Variants in SLC14A2 observed in about 807,000 individuals in gnomAD.
The protein encoded by SLC14A2 is urea transporter 2.
In SLC14A2, 91 loss-of-function variants were observed where a neutral mutation model predicts 104.6. That is an observed-to-expected ratio of 0.87 (90% CI 0.73 to 1.04). The LOEUF (loss-of-function observed/expected upper bound fraction) is 1.04, where lower values mean the gene tolerates loss of function less well. Ranked by LOEUF, SLC14A2 falls within the 50% of genes least tolerant of loss-of-function variation. The probability of loss-of-function intolerance (pLI) is 0.00; values close to 1 mark genes in which losing one functional copy is unlikely to be tolerated. For missense variants in SLC14A2, 1,189 were observed against 1,156.0 expected (o/e 1.03, Z -0.41); for synonymous variants, 476 against 466.4 (o/e 1.02, Z -0.27).
rs77978840 is a variant in SLC14A2, at chr18:45,328,381, G to A, written c.-125+115190G>A. On this transcript the variant is annotated intron_variant, in intron 1 of 20. Coordinates refer to the SLC14A2 transcript ENST00000586448. ...CACAGGGCCAGAGACAGGAATGATGGACAAAGCCATGGATACTAGCGCAGG... is the reference window on the plus strand; with the variant it reads ...CACAGGGCCAGAGACAGGAATGATGAACAAAGCCATGGATACTAGCGCAGG... Among the ~76,000 whole-genome samples, 1,037 of 152,260 alleles carry A rather than the reference G, an allele frequency of 6.8e-3. 9 individuals are homozygous for A. The highest frequency in any genetic ancestry group is 0.023 in the African/African-American group (974 of 41,542).
At chr18:45,662,300 T>C (rs2045948517) in intron 10 of SLC14A2, among the ~76,000 whole-genome samples, 1 of 152,048 alleles carries the variant, frequency 6.6e-6, no homozygotes, top group African/African-American at 2.4e-5. Context: ...AGACTCCGTC[T>C]TAGAAAAAAA....
At chr18:45,421,676 G>A (rs76079008) in intron 1 of SLC14A2, among the ~76,000 whole-genome samples, 4,522 of 152,268 alleles carry the variant, frequency 0.03, 101 homozygotes, top group Non-Finnish European at 0.045. Flanking sequence ...GAATGCACTG[G>A]CCATGCAGCT....
chr18:45,362,954 G>A (rs1362435573), intron 1 of SLC14A2, among the ~76,000 whole-genome samples: 1 of 152,076 alleles, frequency 6.6e-6, no homozygotes, highest in African/African-American at 2.4e-5. Context: ...CTCACTGGGG[G>A]GTACCAGCTT....
intron 1 of SLC14A2, among the ~76,000 whole-genome samples, chr18:45,408,996 G>C (rs557115393): frequency 6.6e-6 from 1 of 152,252 alleles, no homozygotes; most frequent in East Asian, 1.9e-4. Context: ...AATGCAATCT[G>C]GGATTGGCTC....
chr18:45,363,754 G>A (rs1401431123), intron 1 of SLC14A2, among the ~76,000 whole-genome samples: 2 of 152,118 alleles, frequency 1.3e-5, no homozygotes, highest in Non-Finnish European at 2.9e-5. Flanking sequence ...ATGATGGGGA[G>A]GGGCTGTGCT....
intron 1 of SLC14A2, among the ~76,000 whole-genome samples, chr18:45,297,419 G>A (rs1303749514): frequency 2.0e-5 from 3 of 152,224 alleles, no homozygotes; most frequent in Non-Finnish European, 4.4e-5. Context: ...ATGGCATTTT[G>A]AAGACTGTGT....
intron 1 of SLC14A2, among the ~76,000 whole-genome samples, chr18:45,367,537 T>C (rs1024931913): frequency 6.6e-6 from 1 of 152,246 alleles, no homozygotes; most frequent in Non-Finnish European, 1.5e-5. Context: ...CATGTCAACC[T>C]GTGGACTCAA....
In SLC14A2 at chr18:45,625,639, C is replaced by G. The variant is rs139331613; in HGVS notation, c.151-44C>G. 3.7e-3 allele frequency: 5,446 copies of G among 1,480,874 alleles called. 15 individuals are homozygous for G. The highest frequency in any genetic ancestry group is 4.5e-3 in the Non-Finnish European group (4,973 of 1,107,990). 91.7% of individuals were successfully genotyped at this position (1,480,874 alleles called of 1,614,324 possible). ...CTCTATCCCCAAATGTCCCTGCTCTCAGAAAGCTGTATCATTTGATGTCTG... is the reference window on the plus strand; with the variant it reads ...CTCTATCCCCAAATGTCCCTGCTCTGAGAAAGCTGTATCATTTGATGTCTG... On this transcript the variant is annotated intron_variant, in intron 2 of 19. Coordinates refer to ENST00000255226, the MANE Select transcript of SLC14A2 (RefSeq NM_007163.4).
chr18:45,354,800 A>G (rs575560843), intron 1 of SLC14A2, among the ~76,000 whole-genome samples: 3 of 152,334 alleles, frequency 2.0e-5, no homozygotes, highest in African/African-American at 7.2e-5. Context: ...TGGGTCTACT[A>G]TTCCACAAAG....
intron 1 of SLC14A2, among the ~76,000 whole-genome samples, chr18:45,334,350 G>A (rs1047750776): frequency 2.6e-5 from 4 of 152,162 alleles, no homozygotes; most frequent in Non-Finnish European, 4.4e-5. Flanking sequence ...GAGACATTGG[G>A]GATGTGCATG....
At chr18:45,333,851 C>T (rs1302502381) in intron 1 of SLC14A2, among the ~76,000 whole-genome samples, 1 of 152,178 alleles carries the variant, frequency 6.6e-6, no homozygotes, top group African/African-American at 2.4e-5. Context: ...TAAGCCCACC[C>T]AGTATTGACA....
At chr18:45,236,206 CATAT>C (rs1229101892) in intron 1 of SLC14A2, among the ~76,000 whole-genome samples, 5 of 37,262 alleles carry the variant, frequency 1.3e-4, no homozygotes, top group African/African-American at 2.7e-4. Flanking sequence ...TGTATATATA[CATAT>C]ATGTGTGTAT....
chr18:45,257,560 G>GT (rs2084492334), intron 1 of SLC14A2, among the ~76,000 whole-genome samples: 1 of 152,164 alleles, frequency 6.6e-6, no homozygotes. Flanking sequence ...AAATATGCAA[G>GT]TCATGAGTTT....
chr18:45,639,740 T>A lies in SLC14A2; in HGVS notation c.844-6T>A. The A allele has an allele frequency of 1.2e-6, 2 of 1,613,496 alleles. No individual in the cohort carries two copies. Among genetic ancestry groups the A allele is most frequent in the South Asian group, 2.2e-5 (2 of 91,018 alleles). On this transcript the variant is annotated splice_polypyrimidine_tract_variant and splice_region_variant and intron_variant, in intron 6 of 19. Coordinates refer to ENST00000255226, the MANE Select transcript of SLC14A2 (RefSeq NM_007163.4). ...TCCAGTGACCTGTATTCTGTTAACT[T>A]TGCAGCTGTTACAAGCCATCCCTGT... is the stretch of plus-strand genomic sequence containing the variant.
At chr18:45,617,094 C>G (rs1173543257) in intron 1 of SLC14A2, among the ~76,000 whole-genome samples, 1 of 152,098 alleles carries the variant, frequency 6.6e-6, no homozygotes, top group Non-Finnish European at 1.5e-5. Flanking sequence ...GAGACTCCAT[C>G]TAAAACAAAG....
chr18:45,338,670 C>T (rs1328747387), intron 1 of SLC14A2, among the ~76,000 whole-genome samples: 1 of 119,596 alleles, frequency 8.4e-6, no homozygotes, highest in Non-Finnish European at 1.6e-5. Flanking sequence ...CATAGTAACT[C>T]ACACTGGCTC....
At chr18:45,634,918 G>C in intron 5 of SLC14A2, 1 of 456,512 alleles carries the variant, frequency 2.2e-6, no homozygotes, top group Non-Finnish European at 4.4e-6. Flanking sequence ...AGAGATGACA[G>C]TGTTTAGATT....
chr18:45,322,278 G>A (rs1599673615), intron 1 of SLC14A2, among the ~76,000 whole-genome samples: 3 of 152,134 alleles, frequency 2.0e-5, no homozygotes, highest in Admixed American at 2.0e-4. Flanking sequence ...CATAATTAGA[G>A]CCTGGAGCCT....
intron 2 of SLC14A2, among the ~76,000 whole-genome samples, chr18:45,548,902 G>C (rs1409109256): frequency 6.6e-6 from 1 of 152,166 alleles, no homozygotes; most frequent in African/African-American, 2.4e-5. Context: ...TAGGACTGTG[G>C]GGACAGGACT....
Sources: allele counts gnomAD v4.1 joint callset (sites outside exome capture counted in the v4.1 genomes callset), GRCh38; gene constraint gnomAD v4.1.1; transcripts MANE v1.5; gene names NCBI Gene and HGNC (gene_info 2026-07-23, HGNC 2026-07-21).